The following METTL15 variants were observed in gnomAD, a reference collection of about 807,000 sequenced individuals.
METTL15 encodes the protein 12S rRNA N(4)-cytidine methyltransferase METTL15.
METTL15 carries 34 observed loss-of-function variants against 38.3 expected under a neutral mutation model. The observed-to-expected ratio is 0.89, with a 90% CI of 0.68 to 1.18. METTL15 has a LOEUF of 1.18. Ranked by LOEUF, METTL15 falls within the 50% of genes most tolerant of loss-of-function variation. The pLI is 0.00. For missense variants in METTL15, 438 were observed against 498.4 expected, an observed-to-expected ratio of 0.88 and a Z score of 1.15; for synonymous variants, 162 against 170.9, an observed-to-expected ratio of 0.95 and a Z score of 0.41.
At chr11:28,171,696 A>G (rs889704923) in intron 3 of METTL15, among the ~76,000 whole-genome samples, 16 of 152,004 alleles carry the variant, frequency 1.1e-4, no homozygotes, top group African/African-American at 3.9e-4. Flanking sequence ...TTGAATGTTT[A>G]CTTCTTTGAT....
chr11:28,508,161 A>G (rs540222419), intron 6 of METTL15, among the ~76,000 whole-genome samples: 4 of 151,832 alleles, frequency 2.6e-5, no homozygotes, highest in South Asian at 4.2e-4. Context: ...TACCCTCATC[A>G]GCCAGTCCCT....
chr11:28,482,481 T>A (rs1352960491), intron 6 of METTL15, among the ~76,000 whole-genome samples: 2 of 152,232 alleles, frequency 1.3e-5, no homozygotes, highest in Admixed American at 1.3e-4. Context: ...CTTAGCACAG[T>A]ACTTGGCACA....
chr11:28,285,686 T>A (rs1417914835), intron 4 of METTL15, among the ~76,000 whole-genome samples: 1 of 152,194 alleles, frequency 6.6e-6, no homozygotes, highest in Non-Finnish European at 1.5e-5. Context: ...TTGCTTTCTA[T>A]AGTGTTGGCC....
intron 4 of METTL15, among the ~76,000 whole-genome samples, chr11:28,225,238 T>C (rs540434990): frequency 6.6e-6 from 1 of 152,052 alleles, no homozygotes; most frequent in South Asian, 2.1e-4. Context: ...TAATACTTTA[T>C]AGTTTGGCCA....
At position 28,456,118 on chromosome 11, in the gene METTL15, A is replaced by G. The variant is rs773836096; in HGVS notation, c.*424+31754A>G. Among the ~76,000 whole-genome samples the G allele has an allele frequency of 4.7e-5, 7 of 149,486 alleles. No homozygotes were observed. In the South Asian group the frequency reaches 1.3e-3, roughly 27 times the overall value. On this transcript the variant is annotated intron_variant and NMD_transcript_variant, in intron 6 of 7. Transcript: ENST00000532947. ...ACTCCTGAGCTCAAGTGTTCCTTCA[A>G]CCTCAGCCTCATGAGGAGCTGGGAC...
At chr11:28,434,324 A>G (rs1472815178) in intron 6 of METTL15, among the ~76,000 whole-genome samples, 1 of 152,092 alleles carries the variant, frequency 6.6e-6, no homozygotes, top group Non-Finnish European at 1.5e-5. Flanking sequence ...AGTCAATTAA[A>G]CCTCTTTCCT....
chr11:28,377,989 C>T (rs527243389), intron 5 of METTL15, among the ~76,000 whole-genome samples: 1 of 152,192 alleles, frequency 6.6e-6, no homozygotes, highest in African/African-American at 2.4e-5. Context: ...GTCAGGGACC[C>T]ACTTGAGGAA....
At chr11:28,266,848 T>C (rs1204050441) in intron 4 of METTL15, among the ~76,000 whole-genome samples, 2 of 152,114 alleles carry the variant, frequency 1.3e-5, no homozygotes. Flanking sequence ...AACTCTGTAG[T>C]GGTAACTGTT....
At chr11:28,404,745 A>G (rs757112886) in intron 5 of METTL15, among the ~76,000 whole-genome samples, 1 of 152,166 alleles carries the variant, frequency 6.6e-6, no homozygotes, top group Non-Finnish European at 1.5e-5. Flanking sequence ...CACTGCGAAG[A>G]TAATGCAGAA....
chr11:28,466,788 A>G (rs763289371), intron 6 of METTL15, among the ~76,000 whole-genome samples: 1 of 152,158 alleles, frequency 6.6e-6, no homozygotes, highest in Non-Finnish European at 1.5e-5. Flanking sequence ...TGGGGAATGC[A>G]TGCCATTGGA....
At chr11:28,479,068 T>C (rs1432661984) in intron 6 of METTL15, among the ~76,000 whole-genome samples, 1 of 128,668 alleles carries the variant, frequency 7.8e-6, no homozygotes, top group East Asian at 2.9e-4. Flanking sequence ...TGTGTGTGTG[T>C]GTGTGTGTGT....
intron 6 of METTL15, among the ~76,000 whole-genome samples, chr11:28,497,470 G>A (rs923321616): frequency 2.0e-5 from 3 of 152,160 alleles, no homozygotes; most frequent in Admixed American, 6.5e-5. Flanking sequence ...GAATTCAGAC[G>A]CTTTTTCTGT....
chr11:28,526,634 T>A (rs530624729), exon 8 of METTL15: 2 of 152,238 alleles, frequency 1.3e-5, no homozygotes, highest in Admixed American at 1.3e-4. Flanking sequence ...AAGGGAAGAA[T>A]TACATGAAGA....
chr11:28,289,679 T>C (rs925815023), intron 4 of METTL15, among the ~76,000 whole-genome samples: 8 of 152,190 alleles, frequency 5.3e-5, no homozygotes, highest in African/African-American at 1.7e-4. Flanking sequence ...AAGGCATTTA[T>C]TTTAGTCATA....
At chr11:28,516,697 C>G (rs898138344) in intron 6 of METTL15, 18 of 152,032 alleles carry the variant, frequency 1.2e-4, no homozygotes, top group African/African-American at 3.9e-4. Flanking sequence ...ATGTCATGCC[C>G]AGGTGCTTAA....
chr11:28,400,726 T>G (rs1393734867), intron 5 of METTL15, among the ~76,000 whole-genome samples: 1 of 151,964 alleles, frequency 6.6e-6, no homozygotes, highest in African/African-American at 2.4e-5. Flanking sequence ...CATCCACTAC[T>G]GTGGGTGGGC....
intron 4 of METTL15, among the ~76,000 whole-genome samples, chr11:28,241,726 G>A (rs944614268): frequency 6.6e-6 from 1 of 152,116 alleles, no homozygotes; most frequent in Non-Finnish European, 1.5e-5. Context: ...TCAGGCAAAG[G>A]AAAAGCCAGA....
At chr11:28,373,580 T>C (rs1325452977) in intron 5 of METTL15, among the ~76,000 whole-genome samples, 1 of 152,236 alleles carries the variant, frequency 6.6e-6, no homozygotes, top group Non-Finnish European at 1.5e-5. Flanking sequence ...CTGTTCACTC[T>C]GATGGTAGTT....
chr11:28,200,296 A>C (rs530484416), intron 3 of METTL15, among the ~76,000 whole-genome samples: 1 of 152,300 alleles, frequency 6.6e-6, no homozygotes, highest in African/African-American at 2.4e-5. Context: ...TTTGTAAAAT[A>C]GTGATGATAA....
Sources: gnomAD v4.1 joint callset for allele counts (sites outside exome capture counted in the v4.1 genomes callset) on GRCh38, gnomAD v4.1.1 for gene constraint, MANE v1.5 for transcripts, NCBI Gene and HGNC (gene_info 2026-07-23, HGNC 2026-07-21) for gene names.